ATP8A2: variants seen among roughly 807,000 people sequenced by gnomAD.
ATP8A2 encodes the protein ATPase phospholipid transporting 8A2.
A neutral mutation model predicts 165.6 loss-of-function variants in ATP8A2; 100 were observed. The ratio of observed to expected loss-of-function variants is 0.60; its 90% CI spans 0.51 to 0.71. The LOEUF (loss-of-function observed/expected upper bound fraction) is 0.71. Among genes scored for constraint, ATP8A2 ranks in the 30% least tolerant of loss-of-function variants. The pLI, the probability that ATP8A2 is intolerant of heterozygous loss-of-function variation, is 0.00. For synonymous variants in ATP8A2, 543 were observed against 548.8 expected, an observed-to-expected ratio of 0.99 and a Z score of 0.15; for missense variants, 1,227 against 1,479.5, an observed-to-expected ratio of 0.83 and a Z score of 2.80.
chr13:25,633,897 G>A (rs865827710), intron 24 of ATP8A2, among the ~76,000 whole-genome samples: 44 of 151,922 alleles, frequency 2.9e-4, no homozygotes, highest in African/African-American at 8.9e-4. Flanking sequence ...AATGGCTTGA[G>A]CCTGGAAGGT....
At chr13:25,871,849 G>T (rs779111179) in intron 33 of ATP8A2, among the ~76,000 whole-genome samples, 26 of 152,102 alleles carry the variant, frequency 1.7e-4, no homozygotes, top group Non-Finnish European at 2.9e-4. Context: ...ACTTCGATTC[G>T]CAATACTTTT....
At chr13:25,866,252 C>T (rs1952506481) in intron 33 of ATP8A2, among the ~76,000 whole-genome samples, 1 of 152,140 alleles carries the variant, frequency 6.6e-6, no homozygotes, top group Non-Finnish European at 1.5e-5. Context: ...GTTACGTAAC[C>T]ATTGGCAAAT....
At chr13:25,528,109 A>C (rs61478855) in intron 2 of ATP8A2, among the ~76,000 whole-genome samples, 4,384 of 152,126 alleles carry the variant, frequency 0.029, 220 homozygotes, top group African/African-American at 0.1. Flanking sequence ...AGTTTTGTGT[A>C]TTTTCCCTAC....
intron 34 of ATP8A2, among the ~76,000 whole-genome samples, chr13:25,966,984 T>C (rs4769441): frequency 0.12 from 17,627 of 151,856 alleles, 1,030 homozygotes; most frequent in South Asian, 0.14. Flanking sequence ...CCTTCAGGAG[T>C]AGCCAGGCTG....
chr13:25,470,594 G>T (rs9652084), intron 2 of ATP8A2, among the ~76,000 whole-genome samples: 1 of 152,078 alleles, frequency 6.6e-6, no homozygotes. Flanking sequence ...TGACCTAGCC[G>T]TTCTACTCCT....
chr13:25,414,875 A>G (rs1403199606), intron 1 of ATP8A2, among the ~76,000 whole-genome samples: 3 of 152,140 alleles, frequency 2.0e-5, no homozygotes, highest in African/African-American at 7.2e-5. Flanking sequence ...TAACCCAGCT[A>G]TCATTCATCT....
chr13:25,454,289 T>C (rs1030978895), intron 1 of ATP8A2, among the ~76,000 whole-genome samples: 3 of 152,206 alleles, frequency 2.0e-5, no homozygotes, highest in African/African-American at 7.2e-5. Context: ...AGTGCTGTTG[T>C]CATTATTCAA....
At chr13:25,738,949 T>C (rs565882761) in intron 25 of ATP8A2, among the ~76,000 whole-genome samples, 1 of 152,374 alleles carries the variant, frequency 6.6e-6, no homozygotes, top group Admixed American at 6.5e-5. Flanking sequence ...AGAAGTCAAC[T>C]TATCCTTGTT....
At chr13:25,685,341 C>T (rs901341784) in intron 24 of ATP8A2, among the ~76,000 whole-genome samples, 5 of 152,142 alleles carry the variant, frequency 3.3e-5, no homozygotes, top group South Asian at 2.1e-4. Context: ...TTCTTCCATT[C>T]GGTAAAGATT....
At chr13:25,828,591 G>A (rs1022300642) in intron 28 of ATP8A2, among the ~76,000 whole-genome samples, 2 of 152,154 alleles carry the variant, frequency 1.3e-5, no homozygotes, top group African/African-American at 4.8e-5. Flanking sequence ...TACAGTGTGT[G>A]ATCTGGTGTC....
At chr13:25,811,914 G>T (rs776394024) in intron 27 of ATP8A2, among the ~76,000 whole-genome samples, 1 of 152,120 alleles carries the variant, frequency 6.6e-6, no homozygotes, top group Non-Finnish European at 1.5e-5. Context: ...CTGAATATGT[G>T]TGCCTATTTT....
chr13:25,538,827 G>A (rs570926023), intron 7 of ATP8A2, among the ~76,000 whole-genome samples: 4 of 152,206 alleles, frequency 2.6e-5, no homozygotes, highest in African/African-American at 9.6e-5. Context: ...TTGTATTGAA[G>A]TTAATCACTC....
intron 25 of ATP8A2, among the ~76,000 whole-genome samples, chr13:25,709,656 C>T (rs981285316): frequency 1.3e-5 from 2 of 151,984 alleles, no homozygotes; most frequent in Non-Finnish European, 1.5e-5. Flanking sequence ...TTTGAATTAT[C>T]AAATATGGGA....
intron 25 of ATP8A2, among the ~76,000 whole-genome samples, chr13:25,719,223 C>T (rs1378825326): frequency 6.6e-6 from 1 of 152,210 alleles, no homozygotes; most frequent in Non-Finnish European, 1.5e-5. Flanking sequence ...CATTACAGCC[C>T]TGTGCTGTCT....
intron 30 of ATP8A2, among the ~76,000 whole-genome samples, chr13:25,856,646 GACATTAATT>G (rs1952174306): frequency 6.6e-6 from 1 of 152,014 alleles, no homozygotes; most frequent in Admixed American, 6.5e-5. Context: ...ACAATTCAGA[GACATTAATT>G]ACAGAATGTT....
chr13:25,483,254 G>A (rs1219039688), intron 2 of ATP8A2, among the ~76,000 whole-genome samples: 2 of 152,202 alleles, frequency 1.3e-5, no homozygotes, highest in Admixed American at 1.3e-4. Flanking sequence ...AGGTTCCAGT[G>A]TTAGTGACGG....
chr13:25,589,748 CT>C, intron 24 of ATP8A2, 49 bp downstream of exon 24: 2 of 1,138,662 alleles, frequency 1.8e-6, no homozygotes, highest in East Asian at 2.4e-5. Context: ...CAGTATTAAA[CT>C]CTTTCTTTCT....
intron 2 of ATP8A2, among the ~76,000 whole-genome samples, chr13:25,481,203 A>G (rs61948568): frequency 0.099 from 14,688 of 147,908 alleles, 1,332 homozygotes; most frequent in African/African-American, 0.24. Context: ...CAGGGAGAGG[A>G]ACAGGGACAG....
intron 25 of ATP8A2, among the ~76,000 whole-genome samples, chr13:25,755,870 G>A (rs2044250148): frequency 6.6e-6 from 1 of 152,006 alleles, no homozygotes; most frequent in Non-Finnish European, 1.5e-5. Context: ...TCACACCACT[G>A]CACTCCAACC....
Sources: gnomAD v4.1 joint callset for allele counts (sites outside exome capture counted in the v4.1 genomes callset) on GRCh38, gnomAD v4.1.1 for gene constraint, MANE v1.5 for transcripts, NCBI Gene and HGNC (gene_info 2026-07-23, HGNC 2026-07-21) for gene names.